The following VWA3B variants were observed in gnomAD, a reference collection of about 807,000 sequenced individuals.
The protein encoded by VWA3B is von Willebrand factor A domain-containing protein 3B.
Under a neutral mutation model 158.3 loss-of-function variants are expected in VWA3B, and 138 were observed. The ratio of observed to expected loss-of-function variants is 0.87; its 90% CI spans 0.76 to 1.00. The LOEUF is 1.00. Ranked by LOEUF, VWA3B falls within the 50% of genes least tolerant of loss-of-function variation. The pLI is 0.00. For missense variants in VWA3B, 1,555 were observed against 1,565.1 expected (o/e 0.99, Z 0.11); for synonymous variants, 596 against 587.3 (o/e 1.01, Z -0.21).
chr2:98,146,178 C>G (rs560158550), intron 7 of VWA3B, among the ~76,000 whole-genome samples: 117 of 152,200 alleles, frequency 7.7e-4, no homozygotes, highest in Non-Finnish European at 1.3e-3. Context: ...AATGTTGGAT[C>G]GTAATTGTAA....
chr2:98,209,911 T>C (rs1197585686), intron 12 of VWA3B, among the ~76,000 whole-genome samples: 3 of 152,226 alleles, frequency 2.0e-5, no homozygotes, highest in African/African-American at 7.2e-5. Flanking sequence ...CTTACTTCTG[T>C]GGGCTTTCGT....
At chr2:98,134,688 C>T (rs1393134127) in intron 7 of VWA3B, among the ~76,000 whole-genome samples, 1 of 151,886 alleles carries the variant, frequency 6.6e-6, no homozygotes, top group East Asian at 1.9e-4. Flanking sequence ...CCCCACTCTC[C>T]CTCTTTTTAA....
At chr2:98,265,227 T>C (rs1004092527) in intron 21 of VWA3B, among the ~76,000 whole-genome samples, 4 of 138,778 alleles carry the variant, frequency 2.9e-5, no homozygotes, top group Non-Finnish European at 6.1e-5. Flanking sequence ...CAGAGTGCGA[T>C]GTTCCCCTTC....
At chr2:98,168,994 T>G (rs1679348666) in intron 8 of VWA3B, among the ~76,000 whole-genome samples, 1 of 152,164 alleles carries the variant, frequency 6.6e-6, no homozygotes, top group Admixed American at 6.5e-5. Flanking sequence ...AGAAGTTCAG[T>G]GAATGCTAAG....
chr2:98,221,108 A>T (rs1461078623), intron 14 of VWA3B, among the ~76,000 whole-genome samples: 1 of 151,972 alleles, frequency 6.6e-6, no homozygotes, highest in Admixed American at 6.5e-5. Context: ...CGTGTTCTGC[A>T]CATATATCCT....
Position 98,228,332 on chromosome 2 carries a change from A to G in VWA3B, c.2150A>G (p.Lys717Arg), listed in dbSNP as rs754134401. 2 of 1,611,936 alleles carry G rather than the reference A, an allele frequency of 1.2e-6. No homozygotes were observed. The highest frequency in any genetic ancestry group is 3.3e-5 in the Admixed American group (2 of 59,910). ...WYNAEKDGDS[K>R]HQKEICSMIS... is the part of the protein sequence containing the mutation. ...AATGCAGAAAAGGATGGAGACAGCA[A>G]GTGAGCACCTCTGCCCGCCTGTCTC... The change falls in exon 15 of 28, where the codon AAG becomes AGG. Residue 717 changes from lysine (K) to arginine (R), a missense_variant and splice_region_variant. Transcript: ENST00000477737.
chr2:98,270,652 T>TC, intron 21 of VWA3B, 30 bp from the exon 22 acceptor site: 6 of 1,583,044 alleles, frequency 3.8e-6, no homozygotes, highest in Non-Finnish European at 5.2e-6. Flanking sequence ...TTTCTTCCTC[T>TC]GTTTGTTTGT....
intron 7 of VWA3B, among the ~76,000 whole-genome samples, chr2:98,142,495 T>A (rs1205231269): frequency 4.6e-5 from 7 of 152,206 alleles, no homozygotes; most frequent in African/African-American, 7.2e-5. Context: ...AGCCTGAATG[T>A]CTTGCAGCCT....
At chr2:98,300,446 C>G (rs1487760740) in intron 25 of VWA3B, among the ~76,000 whole-genome samples, 1 of 152,236 alleles carries the variant, frequency 6.6e-6, no homozygotes, top group Non-Finnish European at 1.5e-5. Context: ...ACTGCTGAAC[C>G]ATGCTTTGCA....
chr2:98,193,918 A>G (rs1259128280), intron 11 of VWA3B, among the ~76,000 whole-genome samples: 1 of 152,202 alleles, frequency 6.6e-6, no homozygotes, highest in Admixed American at 6.5e-5. Context: ...ACAAAGCTCT[A>G]CTGGAGAAAT....
At chr2:98,167,923 C>T (rs1019888214) in intron 8 of VWA3B, among the ~76,000 whole-genome samples, 13 of 152,158 alleles carry the variant, frequency 8.5e-5, no homozygotes, top group Admixed American at 7.9e-4. Context: ...GCTCTGGGCC[C>T]TCCTAAGAAA....
intron 1 of VWA3B, among the ~76,000 whole-genome samples, chr2:98,092,769 A>G (rs1682412994): frequency 6.7e-6 from 1 of 148,156 alleles, no homozygotes; most frequent in African/African-American, 2.5e-5. Context: ...CACCACACAG[A>G]GAAAACTACT....
At chr2:98,172,187 A>G (rs530183475) in intron 8 of VWA3B, among the ~76,000 whole-genome samples, 1 of 152,250 alleles carries the variant, frequency 6.6e-6, no homozygotes, top group Non-Finnish European at 1.5e-5. Context: ...ATCGGATCAC[A>G]CGTGGGCTTG....
intron 7 of VWA3B, among the ~76,000 whole-genome samples, chr2:98,144,082 T>C (rs1174699864): frequency 6.6e-6 from 1 of 152,110 alleles, no homozygotes. Context: ...GTTTACCTTA[T>C]AGGTTGTTAG....
At chr2:98,206,965 G>T in intron 12 of VWA3B, 2 of 480,960 alleles carry the variant, frequency 4.2e-6, no homozygotes, top group South Asian at 1.5e-5. Flanking sequence ...TCAGATGAAT[G>T]AACCACATGC....
At chr2:98,116,716 G>C (rs936890270) in intron 3 of VWA3B, among the ~76,000 whole-genome samples, 1 of 152,142 alleles carries the variant, frequency 6.6e-6, no homozygotes, top group Non-Finnish European at 1.5e-5. Flanking sequence ...ATGTTGCCCA[G>C]GTTGGTCTTG....
intron 22 of VWA3B, among the ~76,000 whole-genome samples, chr2:98,289,591 C>T (rs1294593138): frequency 1.3e-5 from 2 of 152,196 alleles, no homozygotes; most frequent in Non-Finnish European, 2.9e-5. Flanking sequence ...CTTCTTTCCT[C>T]TTTGTGAGAC....
intron 26 of VWA3B, among the ~76,000 whole-genome samples, chr2:98,305,736 C>T (rs1266990440): frequency 6.6e-6 from 1 of 152,066 alleles, no homozygotes; most frequent in African/African-American, 2.4e-5. Context: ...CCTACCACAC[C>T]CCCTTGGTCT....
At chr2:98,139,293 G>A (rs898200095) in intron 7 of VWA3B, among the ~76,000 whole-genome samples, 11 of 152,190 alleles carry the variant, frequency 7.2e-5, no homozygotes, top group African/African-American at 1.7e-4. Context: ...CCCCGCCTCC[G>A]TGGGCTCCTG....
Sources: gnomAD v4.1 joint callset for allele counts (sites outside exome capture counted in the v4.1 genomes callset) on GRCh38, gnomAD v4.1.1 for gene constraint, MANE v1.5 for transcripts, NCBI Gene and HGNC (gene_info 2026-07-23, HGNC 2026-07-21) for gene names.